The following GNB1 variants were observed in gnomAD, a reference collection of about 807,000 sequenced individuals.
The protein encoded by GNB1 is guanine nucleotide-binding protein G(I)/G(S)/G(T) subunit beta-1.
Under a neutral mutation model 42.9 loss-of-function variants are expected in GNB1, and 2 were observed. That is an observed-to-expected ratio of 0.05 (90% CI 0.02 to 0.15). The LOEUF (loss-of-function observed/expected upper bound fraction) is 0.15, where lower values mean the gene tolerates loss of function less well. Ranked by LOEUF, GNB1 falls within the 10% of genes least tolerant of loss-of-function variation. The pLI, the probability that GNB1 is intolerant of heterozygous loss-of-function variation, is 1.00. For missense variants in GNB1, 193 were observed against 462.2 expected, an observed-to-expected ratio of 0.42 and a Z score of 5.34; for synonymous variants, 183 against 174.7, an observed-to-expected ratio of 1.05 and a Z score of -0.38.
chr1:1,842,212 C>T (rs1462064337), intron 1 of GNB1, among the ~76,000 whole-genome samples: 4 of 152,212 alleles, frequency 2.6e-5, no homozygotes, highest in African/African-American at 4.8e-5. Context: ...GGGCAGATCA[C>T]AAGGTCAGCA....
chr1:1,850,303 T>C lies in GNB1; in HGVS notation c.-95-11065A>G, dbSNP rs560368534. On this transcript the variant is annotated intron_variant, in intron 1 of 11. Coordinates refer to ENST00000378609, the MANE Select transcript of GNB1 (RefSeq NM_002074.5). ...GTGCCATCACACCCTGCTAATTTTTTTTATTTTTAGTAGAGACGGGGTTTC... is the reference window on the plus strand; with the variant it reads ...GTGCCATCACACCCTGCTAATTTTTCTTATTTTTAGTAGAGACGGGGTTTC... Among the ~76,000 whole-genome samples, 6 of 152,188 alleles carry C rather than the reference T, an allele frequency of 3.9e-5. No homozygotes were observed. The East Asian group carries it at 9.7e-4, about 25-fold the overall frequency.
At chr1:1,822,082 C>CA (rs1234709425) in intron 3 of GNB1, among the ~76,000 whole-genome samples, 3 of 152,154 alleles carry the variant, frequency 2.0e-5, no homozygotes, top group Non-Finnish European at 4.4e-5. Context: ...GAATGACTGA[C>CA]AGAGACCCTG....
At chr1:1,829,941 T>C (rs1647053145) in intron 2 of GNB1, among the ~76,000 whole-genome samples, 2 of 151,920 alleles carry the variant, frequency 1.3e-5, no homozygotes, top group South Asian at 4.2e-4. Context: ...GGTTTCATCA[T>C]GTTGGCCAGG....
chr1:1,797,998 T>C (rs1175144894), intron 7 of GNB1, among the ~76,000 whole-genome samples: 2 of 152,198 alleles, frequency 1.3e-5, no homozygotes, highest in Admixed American at 1.3e-4. Context: ...AACAAGACCG[T>C]GCTGGCGAGG....
chr1:1,847,597 T>C (rs6692959), intron 1 of GNB1, among the ~76,000 whole-genome samples: 126,323 of 152,114 alleles, frequency 0.83, 54,455 homozygotes, highest in Non-Finnish European at 0.95. Context: ...GACAGAACAT[T>C]GTTTAAGTCT....
intron 2 of GNB1, among the ~76,000 whole-genome samples, chr1:1,829,168 T>C (rs1429863134): frequency 1.3e-5 from 2 of 152,166 alleles, no homozygotes; most frequent in Non-Finnish European, 2.9e-5. Context: ...GTGATTCTTT[T>C]GCCTCAGCCT....
chr1:1,847,239 AG>A (rs542945139), intron 1 of GNB1, among the ~76,000 whole-genome samples: 74 of 152,298 alleles, frequency 4.9e-4, no homozygotes, highest in African/African-American at 1.7e-3. Flanking sequence ...TGAGCCTTGA[AG>A]GGGAAGAGAT....
intron 1 of GNB1, among the ~76,000 whole-genome samples, chr1:1,849,195 GGA>G (rs1412430456): frequency 1.3e-5 from 2 of 152,334 alleles, no homozygotes; most frequent in East Asian, 3.9e-4. Context: ...CGATTTGTCA[GGA>G]GAGACTCCAT....
At chr1:1,849,155 G>T (rs1320981000) in intron 1 of GNB1, among the ~76,000 whole-genome samples, 1 of 152,156 alleles carries the variant, frequency 6.6e-6, no homozygotes, top group Non-Finnish European at 1.5e-5. Flanking sequence ...AAGGCTCAGG[G>T]GAGCTTCCTG....
chr1:1,807,484 A>C (rs1349011324), intron 5 of GNB1, among the ~76,000 whole-genome samples: 22 of 149,336 alleles, frequency 1.5e-4, no homozygotes, highest in South Asian at 6.3e-4. Flanking sequence ...AAAAAAAAAA[A>C]AAAAAAAAAC....
chr1:1,885,053 T>C (rs1424644430), intron 1 of GNB1, among the ~76,000 whole-genome samples: 1 of 151,956 alleles, frequency 6.6e-6, no homozygotes, highest in Non-Finnish European at 1.5e-5. Context: ...ATTAGTAAGT[T>C]TGGAGCAATG....
At chr1:1,843,865 G>C (rs893516644) in intron 1 of GNB1, among the ~76,000 whole-genome samples, 8 of 151,650 alleles carry the variant, frequency 5.3e-5, no homozygotes, top group African/African-American at 1.9e-4. Flanking sequence ...TTCGAGACCA[G>C]CCTGGCCAAC....
At position 1,790,100 on chromosome 1, in the gene GNB1, G is replaced by A. The variant is rs1167369452; in HGVS notation, c.699+295C>T. Among the ~76,000 whole-genome samples the A allele has an allele frequency of 1.3e-5, 2 of 152,192 alleles. No individual in the cohort carries two copies. The highest frequency in any genetic ancestry group is 4.8e-5 in the African/African-American group (2 of 41,446). On this transcript the variant is annotated intron_variant, in intron 9 of 11. Transcript: ENST00000378609. This position sits in a 1 kb window ranked among gnomAD's most constrained non-coding sequence, Gnocchi z 5.4. ...CTGTGCCCCTGACCAGTAAGGCTCTGTAACCACTGGTGGCCTGAGTTATCT... is the reference window on the plus strand; with the variant it reads ...CTGTGCCCCTGACCAGTAAGGCTCTATAACCACTGGTGGCCTGAGTTATCT...
intron 1 of GNB1, among the ~76,000 whole-genome samples, chr1:1,866,967 A>C (rs1648976605): frequency 6.6e-6 from 1 of 150,968 alleles, no homozygotes; most frequent in African/African-American, 2.4e-5. Context: ...ACAAACAAAC[A>C]AAAAAACCTC....
At chr1:1,846,167 C>T (rs541533177) in intron 1 of GNB1, among the ~76,000 whole-genome samples, 20 of 151,100 alleles carry the variant, frequency 1.3e-4, no homozygotes, top group Non-Finnish European at 1.5e-4. Context: ...ATATACCTTA[C>T]TGGATCTAAA....
At chr1:1,822,105 C>A (rs1484971322) in intron 3 of GNB1, among the ~76,000 whole-genome samples, 1 of 152,036 alleles carries the variant, frequency 6.6e-6, no homozygotes, top group African/African-American at 2.4e-5. Context: ...TCAAAACACA[C>A]AAACAAAAAA....
intron 2 of GNB1, among the ~76,000 whole-genome samples, chr1:1,837,151 C>G (rs537419575): frequency 6.6e-6 from 1 of 152,026 alleles, no homozygotes; most frequent in African/African-American, 2.4e-5. Flanking sequence ...TTTTCTTTTA[C>G]GCATTCTATC....
At chr1:1,797,658 C>T (rs892531485) in intron 7 of GNB1, among the ~76,000 whole-genome samples, 7 of 152,176 alleles carry the variant, frequency 4.6e-5, no homozygotes, top group African/African-American at 1.7e-4. Flanking sequence ...GCTGGTCTTG[C>T]ACTCCTAACA....
At chr1:1,840,034 G>A (rs890781240) in intron 1 of GNB1, among the ~76,000 whole-genome samples, 1 of 147,892 alleles carries the variant, frequency 6.8e-6, no homozygotes, top group Non-Finnish European at 1.5e-5. Context: ...TATGTTCTTG[G>A]CAGCGAACTA....
Sources: gnomAD v4.1 joint callset for allele counts (sites outside exome capture counted in the v4.1 genomes callset) on GRCh38, gnomAD v4.1.1 for gene constraint, Gnocchi (gnomAD v3.1) non-coding constraint, MANE v1.5 for transcripts, NCBI Gene and HGNC (gene_info 2026-07-23, HGNC 2026-07-21) for gene names.